The following HHAT variants were observed in gnomAD, a reference collection of about 807,000 sequenced individuals.
HHAT encodes the protein hedgehog acyltransferase.
In HHAT, 47 loss-of-function variants were observed where a neutral mutation model predicts 70.8. That is an observed-to-expected ratio of 0.66 (90% CI 0.53 to 0.85). The LOEUF (loss-of-function observed/expected upper bound fraction) is 0.85. HHAT is among the 40% of genes least tolerant of loss of function. HHAT has a pLI of 0.00. For missense variants in HHAT, 609 were observed against 604.8 expected, an observed-to-expected ratio of 1.01 and a Z score of -0.07; for synonymous variants, 228 against 247.6, an observed-to-expected ratio of 0.92 and a Z score of 0.74.
chr1:210,610,908 A>C (rs1030633719), intron 10 of HHAT, among the ~76,000 whole-genome samples: 4 of 152,080 alleles, frequency 2.6e-5, no homozygotes, highest in Non-Finnish European at 5.9e-5. Context: ...AGTTTTGGTT[A>C]TTGTAGCCTT....
Position 210,349,008 on chromosome 1 carries a change from A to G in HHAT, c.33A>G (p.Leu11=), listed in dbSNP as rs774279584. 9.3e-6 allele frequency: 15 copies of G among 1,613,996 alleles called. No individual in the cohort carries two copies. Among genetic ancestry groups the G allele is most frequent in the Non-Finnish European group, 1.3e-5 (15 of 1,179,944 alleles). Residue 11 remains leucine (L), a synonymous_variant, in exon 2 of 12, where the codon CTA becomes CTG. Coordinates refer to ENST00000261458, the MANE Select transcript of HHAT (RefSeq NM_018194.6). The part of the protein sequence containing the change: MLPRWELALY[L]LASLGFHFYS... Reference sequence around the variant, plus strand: ...CCCGATGGGAACTGGCACTTTACCTACTTGCCTCACTAGGCTTCCACTTCT... The same window carrying G: ...CCCGATGGGAACTGGCACTTTACCTGCTTGCCTCACTAGGCTTCCACTTCT...
intron 7 of HHAT, among the ~76,000 whole-genome samples, chr1:210,445,599 A>G (rs2093619554): frequency 1.3e-5 from 2 of 152,182 alleles, no homozygotes; most frequent in Non-Finnish European, 2.9e-5. Context: ...ACCTGGGATG[A>G]TTTCCTCAGG....
chr1:210,482,366 C>T (rs1478178138), intron 8 of HHAT, among the ~76,000 whole-genome samples: 1 of 152,194 alleles, frequency 6.6e-6, no homozygotes, highest in Non-Finnish European at 1.5e-5. Context: ...AATGTGCTGC[C>T]ACTTGAAACT....
chr1:210,403,140 ACT>A (rs1166966797), intron 5 of HHAT, among the ~76,000 whole-genome samples: 4 of 152,070 alleles, frequency 2.6e-5, no homozygotes, highest in Non-Finnish European at 4.4e-5. Flanking sequence ...CATTTTTCTC[ACT>A]CTCATTAATG....
At chr1:210,332,382 A>C (rs589027) in intron 1 of HHAT, among the ~76,000 whole-genome samples, 114,988 of 152,230 alleles carry the variant, frequency 0.76, 44,634 homozygotes, top group African/African-American at 0.94. Context: ...CTGTATCACA[A>C]AAAAACAAGC....
intron 6 of HHAT, among the ~76,000 whole-genome samples, chr1:210,408,616 C>T (rs1412010770): frequency 6.6e-6 from 1 of 152,168 alleles, no homozygotes; most frequent in Non-Finnish European, 1.5e-5. Context: ...CATGGCCATG[C>T]TTGGGCTCAG....
chr1:210,467,262 A>G (rs1373689179), intron 8 of HHAT, among the ~76,000 whole-genome samples: 1 of 152,224 alleles, frequency 6.6e-6, no homozygotes, highest in Non-Finnish European at 1.5e-5. Context: ...GCAGTGTACA[A>G]TGTAAGACTC....
chr1:210,628,512 G>A (rs796371021), intron 11 of HHAT, among the ~76,000 whole-genome samples: 2 of 152,170 alleles, frequency 1.3e-5, no homozygotes, highest in African/African-American at 4.8e-5. Flanking sequence ...ACACATGGAT[G>A]TTTGTTTTTC....
Position 210,652,185 on chromosome 1 carries a change from G to A in HHAT, c.1391-22103G>A, listed in dbSNP as rs139847882. ...ATAGATGGAATAGAGGGGATTGGAA[G>A]AGAGAGAACAGGGAGTAGAGATAGG... On this transcript the variant is annotated intron_variant, in intron 11 of 11. Transcript: ENST00000261458. Among the ~76,000 whole-genome samples the A allele has an allele frequency of 7.0e-4, 106 of 152,278 alleles. 1 individual carries two copies. Among genetic ancestry groups the A allele is most frequent in the African/African-American group, 2.3e-3 (97 of 41,536 alleles).
intron 3 of HHAT, among the ~76,000 whole-genome samples, chr1:210,375,299 A>G (rs951058586): frequency 1.6e-5 from 2 of 127,162 alleles, no homozygotes; most frequent in African/African-American, 7.2e-5. Context: ...GTATGTGTAT[A>G]TACACACACA....
intron 8 of HHAT, among the ~76,000 whole-genome samples, chr1:210,494,296 C>G (rs2094596674): frequency 6.6e-6 from 1 of 152,012 alleles, no homozygotes. Context: ...TTTTTGGGAG[C>G]AAGGGGAACC....
intron 7 of HHAT, among the ~76,000 whole-genome samples, chr1:210,423,343 A>G (rs1015982758): frequency 1.3e-5 from 2 of 152,046 alleles, no homozygotes; most frequent in Non-Finnish European, 1.5e-5. Context: ...AGCTTTTCAC[A>G]TATTTATTGA....
intron 4 of HHAT, among the ~76,000 whole-genome samples, chr1:210,389,602 C>G (rs1386486319): frequency 6.6e-6 from 1 of 152,228 alleles, no homozygotes; most frequent in Admixed American, 6.5e-5. Flanking sequence ...TGCTCATTCT[C>G]TCTTCTGCTC....
At chr1:210,332,103 T>C (rs1047412180) in intron 1 of HHAT, among the ~76,000 whole-genome samples, 2 of 152,210 alleles carry the variant, frequency 1.3e-5, no homozygotes, top group African/African-American at 4.8e-5. Context: ...TAAGTTCAGG[T>C]GACATTTTTT....
intron 11 of HHAT, among the ~76,000 whole-genome samples, chr1:210,670,647 G>A (rs942955118): frequency 6.6e-6 from 1 of 152,168 alleles, no homozygotes; most frequent in African/African-American, 2.4e-5. Context: ...TACTCCTGAG[G>A]TTAGGAAAGG....
chr1:210,640,647 G>T (rs529529605), intron 11 of HHAT, among the ~76,000 whole-genome samples: 1 of 151,670 alleles, frequency 6.6e-6, no homozygotes. Flanking sequence ...ACATGCGTGC[G>T]TGTAACCCCC....
intron 8 of HHAT, among the ~76,000 whole-genome samples, chr1:210,494,542 C>CTTTTTTGTTTTTTTTTTTTTT (rs2094601474): frequency 1.2e-5 from 1 of 82,850 alleles, no homozygotes; most frequent in Non-Finnish European, 2.2e-5. Context: ...TTTGAAATAG[C>CTTTTTTGTTTTTTTTTTTTTT]TTTTTTTTTT....
At chr1:210,601,379 T>C (rs529520300) in intron 10 of HHAT, among the ~76,000 whole-genome samples, 1 of 152,042 alleles carries the variant, frequency 6.6e-6, no homozygotes, top group African/African-American at 2.4e-5. Context: ...TCTGAGGGAG[T>C]ATAAAGCAAA....
chr1:210,433,627 G>A lies in HHAT; in HGVS notation c.856+15302G>A, dbSNP rs998092704. ...GGCTCCGTTGCTACTCCCTGGGATT[G>A]AGAGGACATTGGGAGCTCCATGGCA... On this transcript the variant is annotated intron_variant, in intron 7 of 11. Coordinates refer to ENST00000261458, the MANE Select transcript of HHAT (RefSeq NM_018194.6). Among the ~76,000 whole-genome samples, 17 of 151,832 alleles carry A rather than the reference G, an allele frequency of 1.1e-4. 1 individual carries two copies. Among genetic ancestry groups the A allele is most frequent in the African/African-American group, 4.1e-4 (17 of 41,104 alleles).
Sources: allele counts gnomAD v4.1 joint callset (sites outside exome capture counted in the v4.1 genomes callset), GRCh38; gene constraint gnomAD v4.1.1; transcripts MANE v1.5; gene names NCBI Gene and HGNC (gene_info 2026-07-23, HGNC 2026-07-21).